CACNA1S: variants seen among roughly 807,000 people sequenced by gnomAD.
CACNA1S encodes the protein voltage-dependent L-type calcium channel subunit alpha-1S.
In CACNA1S, 126 loss-of-function variants were observed where a neutral mutation model predicts 207.4. The observed-to-expected ratio is 0.61, with a 90% confidence interval of 0.53 to 0.70. The LOEUF (loss-of-function observed/expected upper bound fraction) is 0.70. CACNA1S is among the 30% of genes least tolerant of loss of function. CACNA1S has a pLI of 0.00. For synonymous variants in CACNA1S, 960 were observed against 932.7 expected, an observed-to-expected ratio of 1.03 and a Z score of -0.53; for missense variants, 2,349 against 2,422.8, an observed-to-expected ratio of 0.97 and a Z score of 0.64.
rs35713982 is a variant in CACNA1S, at chr1:201,048,559, C to CT, written c.4441+22dup. ...ACAGCCTCTGGGAGAAAGGAGGGGG[C>CT]TCACATTGGAAGGCACTCTCACCTT... is the stretch of plus-strand genomic sequence containing the variant. On this transcript the variant is annotated intron_variant, in intron 36 of 43. Transcript: ENST00000362061. 0.13 allele frequency: 199,748 copies of CT among 1,551,224 alleles called. 14,349 individuals carry two copies. Among genetic ancestry groups the CT allele is most frequent in the African/African-American group, 0.28 (20,922 of 73,732 alleles).
chr1:201,074,506 T>G lies in CACNA1S; in HGVS notation c.2063A>C (p.Lys688Thr). Residue 688 changes from lysine to threonine, a missense_variant and splice_region_variant, in exon 14 of 44, where the codon AAG (lysine) becomes ACG (threonine). Lys to Thr is a moderately conservative substitution (Grantham distance 78). Transcript: ENST00000362061. ...CCCTTCCTGCTAAGGAAGCACTCAC[T>G]TGGACATCTTCCTGCGTTTTTTCTC... is the stretch of plus-strand genomic sequence containing the variant. ...AEEKKRRKMSKGLPDKSEEEK... is the reference protein window; with the variant it reads ...AEEKKRRKMSTGLPDKSEEEK... 6.2e-7 allele frequency: 1 copy of G among 1,600,106 alleles called. No homozygotes were observed. The highest frequency in any genetic ancestry group is 8.6e-7 in the Non-Finnish European group (1 of 1,167,500).
chr1:201,045,879 T>A (rs1319912089), intron 38 of CACNA1S, among the ~76,000 whole-genome samples: 1 of 152,152 alleles, frequency 6.6e-6, no homozygotes, highest in Non-Finnish European at 1.5e-5. Flanking sequence ...GAAATATGCA[T>A]TAAAGTGTTT....
rs185674306 is a variant in CACNA1S at position 201,100,462 on chromosome 1, G to A, written c.259-6441C>T. ...GACCTGCTGAGGAGTGAGGGAAGTG[G>A]CTATGTTTAGCCCAACGAACGCTCA... On this transcript the variant is annotated intron_variant, in intron 2 of 43. Coordinates refer to ENST00000362061, the MANE Select transcript of CACNA1S (RefSeq NM_000069.3). Among the ~76,000 whole-genome samples the A allele has an allele frequency of 3.9e-3, 590 of 152,360 alleles. 4 individuals carry two copies. Among genetic ancestry groups the A allele is most frequent in the African/African-American group, 0.014 (570 of 41,584 alleles).
At chr1:201,070,484 A>G (rs1661409324) in intron 16 of CACNA1S, 80 bp from the exon 17 acceptor site, 2 of 1,592,094 alleles carry the variant, frequency 1.3e-6, no homozygotes, top group East Asian at 4.5e-5. Flanking sequence ...GAGCCCTCCT[A>G]GGAGCCCCTG....
chr1:201,074,459 GC>G, intron 14 of CACNA1S, 46 bp downstream of exon 14: 1 of 1,225,676 alleles, frequency 8.2e-7, no homozygotes, highest in Non-Finnish European at 1.2e-6. Context: ...GAAGGCCATG[GC>G]CACGACTGAG....
intron 40 of CACNA1S, among the ~76,000 whole-genome samples, chr1:201,042,329 G>C (rs535652990): frequency 2.6e-5 from 4 of 152,174 alleles, no homozygotes; most frequent in South Asian, 2.1e-4. Context: ...GTAGAGACAC[G>C]GTTTCTCCAT....
At chr1:201,064,831 G>A (rs536485884) in intron 22 of CACNA1S, among the ~76,000 whole-genome samples, 23 of 152,220 alleles carry the variant, frequency 1.5e-4, no homozygotes, top group Non-Finnish European at 3.1e-4. Context: ...AAAAGTATAA[G>A]GTTGGCTCCG....
chr1:201,112,251 G>C lies in CACNA1S; in HGVS notation c.89C>G (p.Ala30Gly). The C allele has an allele frequency of 6.2e-7, 1 of 1,614,024 alleles. No individual in the cohort carries two copies. The highest frequency in any genetic ancestry group is 8.5e-7 in the Non-Finnish European group (1 of 1,180,002). Reference protein sequence around the residue: ...VPEILPRPPRALFCLTLENPL... With the variant: ...VPEILPRPPRGLFCLTLENPL... ...GTTCTCCAGGGTCAGGCAGAACAAG[G>C]CCCGGGGTGGCCTTGGCAGAATCTC... The change falls in exon 1 of 44, where the codon GCC (alanine) becomes GGC (glycine). Residue 30 changes from alanine to glycine, a missense_variant. Coordinates refer to ENST00000362061, the MANE Select transcript of CACNA1S (RefSeq NM_000069.3).
In CACNA1S at chr1:201,041,669, C is replaced by A. The variant is rs1660218815; in HGVS notation, c.5049-80G>T. 31 of 1,080,044 alleles carry A rather than the reference C, an allele frequency of 2.9e-5. 1 individual carries two copies. Among genetic ancestry groups the A allele is most frequent in the South Asian group, 1.7e-4 (13 of 76,904 alleles). 66.9% of individuals were successfully genotyped at this position (1,080,044 alleles called of 1,614,324 possible). On this transcript the variant is annotated intron_variant, in intron 40 of 43. Coordinates refer to ENST00000362061, the MANE Select transcript of CACNA1S (RefSeq NM_000069.3). ...TCCCTGCCTCTCTGGCCCCAAACATCCTTTTCCCTCAGAGCCTGTACAAGG... is the reference window on the plus strand; with the variant it reads ...TCCCTGCCTCTCTGGCCCCAAACATACTTTTCCCTCAGAGCCTGTACAAGG...
intron 2 of CACNA1S, among the ~76,000 whole-genome samples, chr1:201,095,192 G>GTA (rs1007277104): frequency 2.0e-5 from 3 of 150,720 alleles, no homozygotes; most frequent in African/African-American, 2.5e-5. Context: ...ATGTACGTGT[G>GTA]TATATATATA....
intron 36 of CACNA1S, 75 bp downstream of exon 36, chr1:201,048,507 G>T: frequency 7.9e-7 from 1 of 1,259,950 alleles, no homozygotes; most frequent in Non-Finnish European, 1.2e-6. Context: ...CTTGAGCTCT[G>T]AGAATCTGGC....
intron 8 of CACNA1S, 82 bp from the exon 9 acceptor site, chr1:201,085,113 G>A: frequency 1.0e-6 from 1 of 973,214 alleles, no homozygotes; most frequent in South Asian, 1.3e-5. Flanking sequence ...CCGAGACAAG[G>A]GCCCATTGAC....
intron 29 of CACNA1S, 110 bp downstream of exon 29, chr1:201,054,395 C>T: frequency 8.8e-7 from 1 of 1,133,486 alleles, no homozygotes; most frequent in Non-Finnish European, 1.3e-6. Context: ...GGGGAGGGAG[C>T]CCTGAGTGCT....
At chr1:201,073,373 T>C (rs1219577615) in intron 15 of CACNA1S, among the ~76,000 whole-genome samples, 176 bp downstream of exon 15, 1 of 151,952 alleles carries the variant, frequency 6.6e-6, no homozygotes, top group Non-Finnish European at 1.5e-5. Flanking sequence ...AGTGCAGGAG[T>C]CCCTGGAGAT....
chr1:201,058,565 A>T, intron 27 of CACNA1S, 74 bp from the exon 28 acceptor site: 4 of 1,214,960 alleles, frequency 3.3e-6, no homozygotes, highest in South Asian at 2.4e-5. Flanking sequence ...GGCAGAGGAC[A>T]GTGTCCCACC....
At chr1:201,087,786 T>A (rs373053464) in intron 7 of CACNA1S, 40 bp downstream of exon 7, 2 of 1,256,134 alleles carry the variant, frequency 1.6e-6, no homozygotes, top group Non-Finnish European at 2.3e-6. Context: ...CCCCTCCTCC[T>A]CTTTCTCTTT....
chr1:201,090,678 T>C (rs1662192441), intron 5 of CACNA1S, among the ~76,000 whole-genome samples: 1 of 152,150 alleles, frequency 6.6e-6, no homozygotes, highest in Non-Finnish European at 1.5e-5. Flanking sequence ...CTGACCAAAA[T>C]GATTTTCACA....
At chr1:201,043,642 C>A in intron 39 of CACNA1S, 111 bp from the exon 40 acceptor site, 6 of 969,828 alleles carry the variant, frequency 6.2e-6, no homozygotes, top group Non-Finnish European at 9.6e-6. Context: ...GGAGACAAAT[C>A]TTATAAGGCC....
Position 201,067,007 on chromosome 1 carries a change from G to A in CACNA1S, c.2551-14C>T, listed in dbSNP as rs1328147818. ...GTAGGTCGTCATCTGGGGAGAAAGA[G>A]GCAGCAGCCTGGATGGAGGAGCTTG... On this transcript the variant is annotated splice_polypyrimidine_tract_variant and intron_variant, in intron 19 of 43. Transcript: ENST00000362061. 4 of 1,580,800 alleles carry A rather than the reference G, an allele frequency of 2.5e-6. No individual in the cohort carries two copies. In the South Asian group the frequency reaches 3.3e-5, roughly 13 times the overall value.
Sources: gnomAD v4.1 joint callset for allele counts (sites outside exome capture counted in the v4.1 genomes callset) on GRCh38, gnomAD v4.1.1 for gene constraint, MANE v1.5 for transcripts, NCBI Gene and HGNC (gene_info 2026-07-23, HGNC 2026-07-21) for gene names.